DDX60L: variants seen among roughly 807,000 people sequenced by gnomAD.
The protein encoded by DDX60L is DExD/H-box 60 like.
A neutral mutation model predicts 211.6 loss-of-function variants in DDX60L; 191 were observed. The ratio of observed to expected loss-of-function variants is 0.90; its 90% CI spans 0.80 to 1.02. DDX60L has a LOEUF of 1.02. Ranked by LOEUF, DDX60L falls within the 50% of genes least tolerant of loss-of-function variation. The pLI, the probability that DDX60L is intolerant of heterozygous loss-of-function variation, is 0.00. For missense variants in DDX60L, 2,007 were observed against 1,984.1 expected, an observed-to-expected ratio of 1.01 and a Z score of -0.22; for synonymous variants, 706 against 694.1, an observed-to-expected ratio of 1.02 and a Z score of -0.27.
At chr4:168,421,665 T>C in intron 17 of DDX60L, 95 bp downstream of exon 17, 1 of 1,492,802 alleles carries the variant, frequency 6.7e-7, no homozygotes, top group East Asian at 2.3e-5. Context: ...AAAAATAAAA[T>C]AACAGTGAAT....
chr4:168,362,855 TA>T (rs770256923), intron 36 of DDX60L, among the ~76,000 whole-genome samples: 3 of 152,158 alleles, frequency 2.0e-5, no homozygotes, highest in Non-Finnish European at 2.9e-5. Flanking sequence ...ATTCACCTTA[TA>T]GGGGCACCAG....
At chr4:168,426,453 C>T (rs1404338196) in intron 14 of DDX60L, among the ~76,000 whole-genome samples, 3 of 152,088 alleles carry the variant, frequency 2.0e-5, no homozygotes, top group African/African-American at 7.2e-5. Context: ...CTTAGAAAAC[C>T]GAAATATTTT....
chr4:168,448,781 T>G lies in DDX60L; in HGVS notation c.997-2A>C, dbSNP rs1755213094. ...AATGAAATATTCACACCACTTGTTC[T>G]GAAAATTAAAAATAAAACATTATTA... On this transcript the variant is annotated splice_acceptor_variant, in intron 8 of 37. Transcript: ENST00000682922. LOFTEE classifies it high-confidence loss of function. 6.3e-7 allele frequency: 1 copy of G among 1,597,426 alleles called. No homozygotes were observed. The highest frequency in any genetic ancestry group is 8.5e-7 in the Non-Finnish European group (1 of 1,171,886).
intron 29 of DDX60L, among the ~76,000 whole-genome samples, chr4:168,387,166 C>T (rs575889255): frequency 2.0e-5 from 3 of 152,116 alleles, no homozygotes; most frequent in African/African-American, 7.2e-5. Context: ...TAGGCAGTCA[C>T]GGCAGGGTGA....
chr4:168,392,254 T>C (rs1285209806), intron 28 of DDX60L, among the ~76,000 whole-genome samples: 1 of 152,232 alleles, frequency 6.6e-6, no homozygotes, highest in South Asian at 2.1e-4. Context: ...ATAATAAAGT[T>C]ACATTTTCCT....
intron 30 of DDX60L, among the ~76,000 whole-genome samples, 181 bp downstream of exon 30, chr4:168,384,430 TA>T (rs1050563024): frequency 2.0e-5 from 3 of 152,118 alleles, no homozygotes; most frequent in African/African-American, 7.2e-5. Flanking sequence ...AAGGCTGCAG[TA>T]AACCATGATT....
intron 36 of DDX60L, among the ~76,000 whole-genome samples, chr4:168,363,944 G>C (rs1182966316): frequency 6.6e-6 from 1 of 152,072 alleles, no homozygotes; most frequent in African/African-American, 2.4e-5. Context: ...GTAAAACCCT[G>C]TCTGTACAAA....
intron 10 of DDX60L, among the ~76,000 whole-genome samples, chr4:168,436,445 C>T (rs1383293102): frequency 2.6e-5 from 4 of 152,158 alleles, no homozygotes; most frequent in East Asian, 1.9e-4. Flanking sequence ...GGTGGGTCTA[C>T]GTTCATGGAA....
intron 7 of DDX60L, 140 bp from the exon 8 acceptor site, chr4:168,453,422 G>C: frequency 1.2e-6 from 1 of 804,618 alleles, no homozygotes; most frequent in Non-Finnish European, 1.9e-6. Context: ...ACACAAACTT[G>C]GCTGCACTGA....
intron 29 of DDX60L, among the ~76,000 whole-genome samples, chr4:168,389,853 C>T (rs1657591206): frequency 2.0e-5 from 3 of 152,190 alleles, no homozygotes; most frequent in South Asian, 2.1e-4. Context: ...GCATGAAATA[C>T]TTTTGGTACG....
At position 168,384,768 on chromosome 4, in the gene DDX60L, A is replaced by T; in HGVS notation, c.3960T>A (p.Asn1320Lys). 1 of 1,613,614 alleles carries T rather than the reference A, an allele frequency of 6.2e-7. No individual in the cohort carries two copies. The highest frequency in any genetic ancestry group is 8.5e-7 in the Non-Finnish European group (1 of 1,179,790). The change falls in exon 30 of 38, where the codon AAT becomes AAA. Residue 1320 changes from asparagine (N) to lysine (K), a missense_variant. Transcript: ENST00000682922. ...GCAATGGGATATCAAAGAAATACAC[A>T]TTTCCAAGCAGGTCTTGACCTCTTC... ...AGRRGQDLLG[N>K]VYFFDIPLPK...
chr4:168,385,442 T>C (rs928187368), intron 29 of DDX60L, among the ~76,000 whole-genome samples: 1 of 152,078 alleles, frequency 6.6e-6, no homozygotes, highest in African/African-American at 2.4e-5. Flanking sequence ...CATAATAAAC[T>C]GATAAATATA....
intron 9 of DDX60L, among the ~76,000 whole-genome samples, chr4:168,442,413 A>G (rs1227975843): frequency 2.0e-5 from 3 of 152,262 alleles, no homozygotes. Context: ...GCAAGGCGGC[A>G]GCGAGGCTGG....
chr4:168,435,219 G>A (rs574575528), intron 10 of DDX60L, among the ~76,000 whole-genome samples: 3 of 152,312 alleles, frequency 2.0e-5, no homozygotes, highest in East Asian at 1.9e-4. Flanking sequence ...TTCAGAATGC[G>A]TAACTGGGAC....
At chr4:168,404,442 T>C (rs1266764207) in intron 24 of DDX60L, among the ~76,000 whole-genome samples, 2 of 152,110 alleles carry the variant, frequency 1.3e-5, no homozygotes, top group East Asian at 1.9e-4. Context: ...AGTTATTATA[T>C]AACAAAATAG....
At chr4:168,366,546 G>A (rs1163766394) in intron 36 of DDX60L, among the ~76,000 whole-genome samples, 1 of 151,674 alleles carries the variant, frequency 6.6e-6, no homozygotes, top group Non-Finnish European at 1.5e-5. Flanking sequence ...TGTTAAAATG[G>A]CCACACTACC....
intron 30 of DDX60L, among the ~76,000 whole-genome samples, chr4:168,381,757 C>T (rs1035638009): frequency 2.0e-5 from 3 of 152,008 alleles, no homozygotes; most frequent in South Asian, 2.1e-4. Context: ...AATGAAGCAT[C>T]GACAATTCTG....
Position 168,419,383 on chromosome 4 carries a change from C to A in DDX60L, c.2529G>T (p.Val843=). 1.9e-6 allele frequency: 3 copies of A among 1,587,280 alleles called. No homozygotes were observed. Among genetic ancestry groups the A allele is most frequent in the Non-Finnish European group, 2.6e-6 (3 of 1,164,924 alleles). The change falls in exon 19 of 38, where the codon GTG becomes GTT. Residue 843 remains valine (V), a synonymous_variant. Transcript: ENST00000682922. ...GCAACAGGATTTCAAAACATTCCGG[C>A]ACTGTAATAAGTACCTACAAATATG... The part of the protein sequence containing the change: ...NVLNCQVLIT[V]PECFEILLLA...
intron 28 of DDX60L, among the ~76,000 whole-genome samples, chr4:168,392,278 CTT>C (rs1477454632): frequency 6.6e-6 from 1 of 152,128 alleles, no homozygotes; most frequent in East Asian, 1.9e-4. Context: ...TATTTACTCT[CTT>C]AATATCAGTT....
Sources: gnomAD v4.1 joint callset for allele counts (sites outside exome capture counted in the v4.1 genomes callset) on GRCh38, gnomAD v4.1.1 for gene constraint, MANE v1.5 for transcripts, NCBI Gene and HGNC (gene_info 2026-07-23, HGNC 2026-07-21) for gene names.